Variants in FAM118A observed in about 807,000 individuals in gnomAD.
FAM118A encodes the protein SIR2 antiphage like 2.
FAM118A carries 25 observed loss-of-function variants against 38.2 expected under a neutral mutation model. The observed-to-expected ratio is 0.65, with a 90% CI of 0.48 to 0.91. The LOEUF is 0.91. Ranked by LOEUF, FAM118A falls within the 40% of genes least tolerant of loss-of-function variation. The pLI is 0.00. For missense variants in FAM118A, 425 were observed against 463.3 expected, an observed-to-expected ratio of 0.92 and a Z score of 0.76; for synonymous variants, 178 against 184.1, an observed-to-expected ratio of 0.97 and a Z score of 0.27.
chr22:45,335,410 C>T, intron 7 of FAM118A, 28 bp downstream of exon 7: 1 of 1,613,938 alleles, frequency 6.2e-7, no homozygotes, highest in Non-Finnish European at 8.5e-7. Flanking sequence ...TCTTGCCAGC[C>T]TGTTTTTTGC....
chr22:45,327,038 AAT>A (rs1052257324), intron 3 of FAM118A, among the ~76,000 whole-genome samples: 14 of 150,666 alleles, frequency 9.3e-5, no homozygotes, highest in Admixed American at 7.9e-4. Context: ...TAAAATGAAA[AAT>A]GAAATAAAAT....
chr22:45,337,474 T>C (rs988059752), intron 8 of FAM118A, among the ~76,000 whole-genome samples: 1 of 152,188 alleles, frequency 6.6e-6, no homozygotes, highest in Non-Finnish European at 1.5e-5. Context: ...TTGAAGACAT[T>C]TGTGTTACTT....
At position 45,328,419 on chromosome 22, in the gene FAM118A, C is replaced by T. The variant is rs762255150; in HGVS notation, c.522+356C>T. ...GTGGGCTGGGGCTGCGGGCAGCCTG[C>T]AGGTGTGGGGAGTTCTGTGCCCTGG... On this transcript the variant is annotated intron_variant, in intron 4 of 8. Transcript: ENST00000441876. The T allele has an allele frequency of 7.5e-6, 8 of 1,070,750 alleles. 3 individuals carry two copies. The highest frequency in any genetic ancestry group is 1.2e-5 in the Non-Finnish European group (8 of 670,344). The allele number at this position is 1,070,750 out of a possible 1,614,324, so 66.3% of individuals were successfully genotyped here.
At chr22:45,325,891 C>T (rs1396095111) in intron 3 of FAM118A, among the ~76,000 whole-genome samples, 2 of 152,012 alleles carry the variant, frequency 1.3e-5, no homozygotes, top group Non-Finnish European at 2.9e-5. Flanking sequence ...AGAGCCAGGT[C>T]TCAGGTCGGG....
intron 6 of FAM118A, 27 bp downstream of exon 6, chr22:45,332,737 T>C: frequency 1.3e-6 from 2 of 1,528,800 alleles, no homozygotes; most frequent in African/African-American, 1.5e-5. Context: ...CACTTTCCTT[T>C]TTCTTTCTTT....
At chr22:45,337,696 T>G (rs2146722628) in intron 8 of FAM118A, 1 of 290,806 alleles carries the variant, frequency 3.4e-6, no homozygotes, top group Non-Finnish European at 5.1e-6. Flanking sequence ...TGCTACCTCC[T>G]GAGCTCCCCT....
At chr22:45,315,155 A>G (rs1013066502) in intron 1 of FAM118A, among the ~76,000 whole-genome samples, 4 of 152,196 alleles carry the variant, frequency 2.6e-5, no homozygotes, top group African/African-American at 9.7e-5. Context: ...TTCTTTTTCT[A>G]GTGGTGGGTT....
At chr22:45,323,029 C>T (rs994475081) in intron 2 of FAM118A, 146 bp from the exon 3 acceptor site, 20 of 853,310 alleles carry the variant, frequency 2.3e-5, no homozygotes, top group East Asian at 5.3e-5. Flanking sequence ...CTCCCCACAG[C>T]GTCAGAGGGG....
intron 6 of FAM118A, 108 bp downstream of exon 6, chr22:45,332,818 C>G (rs2085819825): frequency 2.5e-6 from 3 of 1,215,532 alleles, no homozygotes; most frequent in Non-Finnish European, 3.4e-6. Flanking sequence ...ACCATCTTGG[C>G]TCACCACAAC....
intron 1 of FAM118A, among the ~76,000 whole-genome samples, chr22:45,313,788 G>A (rs1430269218): frequency 6.6e-6 from 1 of 152,182 alleles, no homozygotes; most frequent in Non-Finnish European, 1.5e-5. Context: ...TGTAATGACT[G>A]TTGTCCAGTA....
chr22:45,340,249 T>A, intron 8 of FAM118A, 137 bp from the exon 9 acceptor site: 2 of 896,818 alleles, frequency 2.2e-6, no homozygotes, highest in Non-Finnish European at 3.6e-6. Context: ...GGCTACTGTT[T>A]CCATTGTGGA....
At chr22:45,314,340 G>A (rs2084510470) in intron 1 of FAM118A, among the ~76,000 whole-genome samples, 1 of 146,282 alleles carries the variant, frequency 6.8e-6, no homozygotes, top group East Asian at 2.0e-4. Context: ...CAACATTTCC[G>A]GGGAAGGAGA....
rs866088421 is a variant in FAM118A at position 45,332,560 on chromosome 22, G to T, written c.787G>T (p.Val263Leu). 1 of 1,614,140 alleles carries T rather than the reference G, an allele frequency of 6.2e-7. No homozygotes were observed. Among genetic ancestry groups the T allele is most frequent in the Non-Finnish European group, 8.5e-7 (1 of 1,180,022 alleles). Residue 263 changes from valine (V) to leucine (L), a missense_variant, in exon 6 of 9, where the codon GTG becomes TTG. Val to Leu is a conservative substitution (Grantham distance 32). Transcript: ENST00000441876. ...GGTGGATTTGGAGCACTACATGCTT[G>T]TGCTGAAGGAGAATGAAGACCATTT... is the stretch of plus-strand genomic sequence containing the variant. ...NKVDLEHYMLVLKENEDHFFK... is the reference protein window; with the variant it reads ...NKVDLEHYMLLLKENEDHFFK...
chr22:45,332,184 C>T (rs2085766232), intron 5 of FAM118A, among the ~76,000 whole-genome samples: 2 of 152,182 alleles, frequency 1.3e-5, no homozygotes, highest in South Asian at 4.1e-4. Flanking sequence ...GCTACCCTGG[C>T]TTAGCTGGGG....
chr22:45,315,137 G>C (rs1251622805), intron 1 of FAM118A, among the ~76,000 whole-genome samples: 1 of 152,194 alleles, frequency 6.6e-6, no homozygotes, highest in African/African-American at 2.4e-5. Flanking sequence ...AACTAAATTT[G>C]AATTAGATTC....
chr22:45,313,242 G>C (rs1042583295), intron 1 of FAM118A, among the ~76,000 whole-genome samples: 1 of 151,984 alleles, frequency 6.6e-6, no homozygotes, highest in African/African-American at 2.4e-5. Context: ...TTTCCCTCTG[G>C]TGACTATGTG....
intron 4 of FAM118A, 169 bp from the exon 5 acceptor site, chr22:45,330,434 A>G: frequency 1.5e-6 from 1 of 674,568 alleles, no homozygotes. Flanking sequence ...ACTAGGGCTC[A>G]CAACCAAGTT....
At chr22:45,317,635 C>G (rs569620713) in intron 1 of FAM118A, among the ~76,000 whole-genome samples, 3 of 152,224 alleles carry the variant, frequency 2.0e-5, no homozygotes, top group Non-Finnish European at 2.9e-5. Context: ...TTCTCCCTGT[C>G]CCGCCAGGGT....
chr22:45,325,447 G>C (rs1435278995), intron 3 of FAM118A, among the ~76,000 whole-genome samples: 1 of 152,126 alleles, frequency 6.6e-6, no homozygotes, highest in Non-Finnish European at 1.5e-5. Context: ...GTGATCCATT[G>C]TAGACTCTAA....
Sources: allele counts gnomAD v4.1 joint callset (sites outside exome capture counted in the v4.1 genomes callset), GRCh38; gene constraint gnomAD v4.1.1; transcripts MANE v1.5; gene names NCBI Gene and HGNC (gene_info 2026-07-23, HGNC 2026-07-21).